The following NKAIN3 variants were observed in gnomAD, a reference collection of about 807,000 sequenced individuals.
The protein encoded by NKAIN3 is sodium/potassium-transporting ATPase subunit beta-1-interacting protein 3.
Under a neutral mutation model 30.2 loss-of-function variants are expected in NKAIN3, and 25 were observed. The observed-to-expected ratio is 0.83, with a 90% CI of 0.60 to 1.16. The LOEUF is 1.16. Among genes scored for constraint, NKAIN3 ranks in the 50% most tolerant of loss-of-function variants. NKAIN3 has a pLI of 0.00. For synonymous variants in NKAIN3, 91 were observed against 89.6 expected, an observed-to-expected ratio of 1.02 and a Z score of -0.09; for missense variants, 225 against 254.1, an observed-to-expected ratio of 0.89 and a Z score of 0.78.
chr8:62,778,374 A>G (rs1357483218), intron 4 of NKAIN3, among the ~76,000 whole-genome samples: 5 of 152,078 alleles, frequency 3.3e-5, no homozygotes, highest in Non-Finnish European at 7.4e-5. Context: ...AATCTACCAG[A>G]TACTGTATGC....
intron 4 of NKAIN3, among the ~76,000 whole-genome samples, chr8:62,759,945 C>A (rs1056846038): frequency 3.9e-5 from 6 of 151,986 alleles, no homozygotes; most frequent in Non-Finnish European, 1.5e-5. Flanking sequence ...AACAAACAAC[C>A]CCATCAACAA....
At chr8:62,804,840 A>T (rs1022830435) in intron 4 of NKAIN3, among the ~76,000 whole-genome samples, 6 of 152,336 alleles carry the variant, frequency 3.9e-5, no homozygotes, top group African/African-American at 1.4e-4. Context: ...GTATTCAATT[A>T]GGAAAAGAGG....
At chr8:62,647,503 G>T (rs1812501823) in intron 3 of NKAIN3, among the ~76,000 whole-genome samples, 1 of 152,170 alleles carries the variant, frequency 6.6e-6, no homozygotes, top group African/African-American at 2.4e-5. Flanking sequence ...TGCGGTGTGG[G>T]TTTGGCAGGG....
intron 4 of NKAIN3, among the ~76,000 whole-genome samples, chr8:62,796,816 A>AC (rs398008069): frequency 0.013 from 1,930 of 151,996 alleles, 34 homozygotes; most frequent in African/African-American, 0.042. Flanking sequence ...ACACACACAC[A>AC]AATACTCATG....
intron 4 of NKAIN3, among the ~76,000 whole-genome samples, chr8:62,890,023 A>T (rs1032273541): frequency 3.9e-5 from 6 of 152,210 alleles, no homozygotes; most frequent in African/African-American, 1.4e-4. Flanking sequence ...CACCTTCCCA[A>T]TTAGAGTGTG....
chr8:62,599,711 A>G (rs1585994649), intron 3 of NKAIN3, among the ~76,000 whole-genome samples: 1 of 152,094 alleles, frequency 6.6e-6, no homozygotes, highest in South Asian at 2.1e-4. Context: ...TCAGATCTGC[A>G]TTTTAACTTC....
At chr8:62,816,669 T>C (rs930413307) in intron 4 of NKAIN3, among the ~76,000 whole-genome samples, 6 of 152,104 alleles carry the variant, frequency 3.9e-5, no homozygotes, top group Non-Finnish European at 5.9e-5. Context: ...GTCAGCGCTG[T>C]ACAATTGAGT....
chr8:62,356,902 C>T (rs531185909), intron 1 of NKAIN3, among the ~76,000 whole-genome samples: 2 of 152,090 alleles, frequency 1.3e-5, no homozygotes, highest in East Asian at 1.9e-4. Flanking sequence ...GCTTGGAGCC[C>T]AGGAGTTCGA....
chr8:62,702,724 A>G (rs1192926802), intron 3 of NKAIN3, among the ~76,000 whole-genome samples: 1 of 152,192 alleles, frequency 6.6e-6, no homozygotes, highest in African/African-American at 2.4e-5. Flanking sequence ...AAAATTCTAG[A>G]TGGCTTGATT....
intron 5 of NKAIN3, among the ~76,000 whole-genome samples, chr8:62,947,362 A>G (rs997544129): frequency 1.1e-4 from 17 of 152,228 alleles, no homozygotes; most frequent in African/African-American, 4.1e-4. Context: ...AGTGAAGAAG[A>G]AGAATTAAAT....
chr8:62,739,072 C>T (rs1815775301), intron 3 of NKAIN3, among the ~76,000 whole-genome samples: 2 of 152,050 alleles, frequency 1.3e-5, no homozygotes, highest in Non-Finnish European at 2.9e-5. Context: ...AATGAGAACA[C>T]ATGGACACAG....
rs369502789 is a variant in NKAIN3 at position 62,506,393 on chromosome 8, T to G, written c.55-73146T>G. Among the ~76,000 whole-genome samples, 6 of 152,256 alleles carry G rather than the reference T, an allele frequency of 3.9e-5. 1 individual carries two copies. Among genetic ancestry groups the G allele is most frequent in the Admixed American group, 6.5e-5 (1 of 15,282 alleles). ...CAACAAAGATTACATTTCCTTAGAA[T>G]GCATGGGTACTTGCTATTTGTGCAT... On this transcript the variant is annotated intron_variant, in intron 1 of 6. Transcript: ENST00000623646.
At chr8:62,818,851 A>T (rs554529072) in intron 4 of NKAIN3, among the ~76,000 whole-genome samples, 1 of 152,142 alleles carries the variant, frequency 6.6e-6, no homozygotes, top group South Asian at 2.1e-4. Context: ...GAATGTGAGG[A>T]ATTTTATGGG....
chr8:62,494,005 T>A (rs1807154700), intron 1 of NKAIN3, among the ~76,000 whole-genome samples: 1 of 152,164 alleles, frequency 6.6e-6, no homozygotes, highest in African/African-American at 2.4e-5. Flanking sequence ...CATTTTCCTA[T>A]GCCCTTTATT....
At chr8:62,831,982 A>C (rs571699807) in intron 4 of NKAIN3, among the ~76,000 whole-genome samples, 38 of 152,234 alleles carry the variant, frequency 2.5e-4, no homozygotes, top group Admixed American at 9.8e-4. Flanking sequence ...ATATCAGACC[A>C]TGTACAAAGA....
At chr8:62,857,322 C>T (rs1216257053) in intron 4 of NKAIN3, among the ~76,000 whole-genome samples, 25 of 152,110 alleles carry the variant, frequency 1.6e-4, no homozygotes. Context: ...GATTATGTAT[C>T]TTGGGGATAA....
chr8:62,269,334 G>C (rs1812703426), intron 1 of NKAIN3, among the ~76,000 whole-genome samples: 1 of 152,128 alleles, frequency 6.6e-6, no homozygotes, highest in Non-Finnish European at 1.5e-5. Context: ...TTGCAACACA[G>C]CTCTTTGATA....
intron 4 of NKAIN3, among the ~76,000 whole-genome samples, chr8:62,858,209 T>C: frequency 6.6e-6 from 1 of 152,196 alleles, no homozygotes; most frequent in East Asian, 1.9e-4. Context: ...ATAGCAAAGA[T>C]GGCAGCCTGC....
intron 3 of NKAIN3, among the ~76,000 whole-genome samples, chr8:62,683,539 A>G (rs1222128027): frequency 2.0e-5 from 3 of 152,154 alleles, no homozygotes; most frequent in African/African-American, 7.2e-5. Flanking sequence ...TAAAAATAAA[A>G]CTATGTTATT....
Sources: allele counts gnomAD v4.1 joint callset (sites outside exome capture counted in the v4.1 genomes callset), GRCh38; gene constraint gnomAD v4.1.1; transcripts MANE v1.5; gene names NCBI Gene and HGNC (gene_info 2026-07-23, HGNC 2026-07-21).